The following SIPA1L2 variants were observed in gnomAD, a reference collection of about 807,000 sequenced individuals.
SIPA1L2 encodes signal-induced proliferation-associated 1-like protein 2.
Under a neutral mutation model 163.9 loss-of-function variants are expected in SIPA1L2, and 56 were observed. The observed-to-expected ratio is 0.34, with a 90% CI of 0.28 to 0.43. The LOEUF (loss-of-function observed/expected upper bound fraction) is 0.43. Among genes scored for constraint, SIPA1L2 ranks in the 20% least tolerant of loss-of-function variants. The probability of loss-of-function intolerance (pLI) is 1.00; values close to 1 mark genes in which losing one functional copy is unlikely to be tolerated. For missense variants in SIPA1L2, 1,974 were observed against 2,193.5 expected (o/e 0.90, Z 2.00); for synonymous variants, 877 against 865.7 (o/e 1.01, Z -0.23).
intron 2 of SIPA1L2, among the ~76,000 whole-genome samples, chr1:232,543,530 T>C (rs148562359): frequency 5.9e-4 from 90 of 152,330 alleles, no homozygotes; most frequent in African/African-American, 2.1e-3. Context: ...TTTTTACATT[T>C]TCTTTTCTCT....
chr1:232,467,788 A>G (rs1400340663), intron 8 of SIPA1L2, among the ~76,000 whole-genome samples: 1 of 152,104 alleles, frequency 6.6e-6, no homozygotes, highest in African/African-American at 2.4e-5. Flanking sequence ...ATCTCATGCT[A>G]CCCTCTGAGT....
chr1:232,519,984 T>C (rs1236568466), intron 2 of SIPA1L2, among the ~76,000 whole-genome samples: 1 of 152,220 alleles, frequency 6.6e-6, no homozygotes, highest in East Asian at 1.9e-4. Flanking sequence ...ACTAATCTTC[T>C]ATATGAGGCC....
intron 1 of SIPA1L2, among the ~76,000 whole-genome samples, chr1:232,619,893 A>ATTT (rs111286928): frequency 3.3e-5 from 5 of 150,694 alleles, no homozygotes; most frequent in East Asian, 2.0e-4. Context: ...CTCCAAATAG[A>ATTT]TTTTTTTTTT....
intron 7 of SIPA1L2, among the ~76,000 whole-genome samples, chr1:232,478,704 A>G (rs1665167406): frequency 6.6e-6 from 1 of 152,212 alleles, no homozygotes; most frequent in African/African-American, 2.4e-5. Context: ...GATTTAACCT[A>G]AATACAATCA....
intron 1 of SIPA1L2, among the ~76,000 whole-genome samples, chr1:232,587,693 T>C (rs1361055064): frequency 1.3e-5 from 2 of 152,228 alleles, no homozygotes; most frequent in Non-Finnish European, 2.9e-5. Context: ...TTGTCCTTGA[T>C]GGATGATATG....
At chr1:232,536,004 G>C (rs547401324) in intron 2 of SIPA1L2, among the ~76,000 whole-genome samples, 1 of 152,294 alleles carries the variant, frequency 6.6e-6, no homozygotes, top group African/African-American at 2.4e-5. Flanking sequence ...TCTGAAACTT[G>C]GATTCCAGTG....
At chr1:232,449,531 A>T (rs1663437037) in intron 10 of SIPA1L2, among the ~76,000 whole-genome samples, 2 of 151,938 alleles carry the variant, frequency 1.3e-5, no homozygotes. Context: ...AAAAAAAAAA[A>T]AAAAAATTAA....
chr1:232,514,779 G>A lies in SIPA1L2; in HGVS notation c.561C>T (p.Ala187=), dbSNP rs765479128. 6 of 1,614,028 alleles carry A rather than the reference G, an allele frequency of 3.7e-6. No homozygotes were observed. The South Asian group carries it at 6.6e-5, about 18-fold the overall frequency. ...AAGTACTTCCATACTCCCTGTGCAG[G>A]GCAGCCCCGGTGTTGGGGTTGACTG... is the stretch of plus-strand genomic sequence containing the variant. ...QNAVNPNTGA[A]LHREYGSTSS... The change falls in exon 3 of 23, where the codon GCC becomes GCT. Residue 187 remains alanine (A), a synonymous_variant. Coordinates refer to ENST00000674635, the MANE Select transcript of SIPA1L2 (RefSeq NM_020808.5).
chr1:232,572,265 G>A (rs987424306), intron 2 of SIPA1L2, among the ~76,000 whole-genome samples: 7 of 152,180 alleles, frequency 4.6e-5, no homozygotes, highest in African/African-American at 1.7e-4. Flanking sequence ...CTTAGATTCG[G>A]AGGAAACCAA....
At chr1:232,585,282 T>C (rs143504759) in intron 1 of SIPA1L2, among the ~76,000 whole-genome samples, 7 of 152,346 alleles carry the variant, frequency 4.6e-5, no homozygotes, top group Admixed American at 2.6e-4. Context: ...TCTATAAACA[T>C]AGCAGAATAT....
intron 2 of SIPA1L2, among the ~76,000 whole-genome samples, chr1:232,555,993 A>G (rs1280497831): frequency 6.6e-6 from 1 of 152,242 alleles, no homozygotes; most frequent in Non-Finnish European, 1.5e-5. Context: ...GACTGTCAAC[A>G]GTTCAAGGAT....
rs1660145247 is a variant in SIPA1L2, at chr1:232,398,422, G to A, written c.*705C>T. ...TTGAAGTGACTACTGACCACTCGGT[G>A]AGCCATTTACAAGGCATATGTATCT... On this transcript the variant is annotated 3_prime_UTR_variant, in exon 23 of 23. Transcript: ENST00000674635. The A allele has an allele frequency of 6.6e-6, 1 of 152,572 alleles. No individual in the cohort carries two copies. The highest frequency in any genetic ancestry group is 1.5e-5 in the Non-Finnish European group (1 of 68,040). The allele number at this position is 152,572 out of a possible 1,614,324, so 9.5% of individuals were successfully genotyped here. A position where few individuals can be genotyped will look rare whatever the true frequency, so the allele number is the denominator to read the frequency against.
rs193008709 is a variant in SIPA1L2 at position 232,571,801 on chromosome 1, T to C, written c.-270+2373A>G. Among the ~76,000 whole-genome samples, 3 of 152,330 alleles carry C rather than the reference T, an allele frequency of 2.0e-5. No individual in the cohort carries two copies. The East Asian group carries it at 5.8e-4, about 29-fold the overall frequency. On this transcript the variant is annotated intron_variant, in intron 2 of 22. Coordinates refer to ENST00000674635, the MANE Select transcript of SIPA1L2 (RefSeq NM_020808.5). ...ATTCTTCCACTCTCACCACGTGACA[T>C]GCTGGCTTCCGCTTCAACTTCTACC...
In SIPA1L2 at chr1:232,629,504, G is replaced by A. The variant is rs1267304604; in HGVS notation, c.-319+365C>T. ...CAGGCGCGCCGGGGAAGCTGCGTCG[G>A]GCAACCGCGAGCCCTTCCAGAGAGC... On this transcript the variant is annotated intron_variant, in intron 1 of 22. Coordinates refer to ENST00000674635, the MANE Select transcript of SIPA1L2 (RefSeq NM_020808.5). Among the ~76,000 whole-genome samples the A allele has an allele frequency of 3.3e-5, 5 of 152,194 alleles. No individual in the cohort carries two copies. In the East Asian group the frequency reaches 5.8e-4, roughly 18 times the overall value.
Position 232,539,335 on chromosome 1 carries a change from G to A in SIPA1L2, c.-269-23727C>T, listed in dbSNP as rs1657501488. ...CTACTTACAACTGCAAAAAGTCTAAGGGTCTGTCACTCAAAGGTCAAACGA... is the reference window on the plus strand; with the variant it reads ...CTACTTACAACTGCAAAAAGTCTAAAGGTCTGTCACTCAAAGGTCAAACGA... On this transcript the variant is annotated intron_variant, in intron 2 of 22. Coordinates refer to ENST00000674635, the MANE Select transcript of SIPA1L2 (RefSeq NM_020808.5). 2.6e-5 allele frequency among the ~76,000 whole-genome samples: 4 copies of A among 152,250 alleles called. No individual in the cohort carries two copies. In the South Asian group the frequency reaches 8.3e-4, roughly 32 times the overall value.
intron 2 of SIPA1L2, among the ~76,000 whole-genome samples, chr1:232,562,417 A>C (rs925792089): frequency 6.6e-6 from 1 of 152,218 alleles, no homozygotes; most frequent in Non-Finnish European, 1.5e-5. Context: ...TATGTGCTTT[A>C]AAAAGTCAAA....
At position 232,415,786 on chromosome 1, in the gene SIPA1L2, G is replaced by GC. The variant is rs1479781611; in HGVS notation, c.4631-162_4631-161insG. On this transcript the variant is annotated intron_variant, in intron 18 of 22. Coordinates refer to ENST00000674635, the MANE Select transcript of SIPA1L2 (RefSeq NM_020808.5). ...AGTCAGTCAGAACACGGGCACCACTGTCCCTCCCAGAGTCAGTCAGTCAGA... is the reference window on the plus strand; with the variant it reads ...AGTCAGTCAGAACACGGGCACCACTGCTCCCTCCCAGAGTCAGTCAGTCAGA... 2.8e-5 allele frequency: 21 copies of GC among 746,824 alleles called. No individual in the cohort carries two copies. The African/African-American group carries it at 3.5e-4, about 12-fold the overall frequency. The allele number at this position is 746,824 out of a possible 1,614,324, so 46.3% of individuals were successfully genotyped here.
intron 1 of SIPA1L2, among the ~76,000 whole-genome samples, chr1:232,578,785 G>A (rs191068171): frequency 6.6e-6 from 1 of 152,062 alleles, no homozygotes; most frequent in Non-Finnish European, 1.5e-5. Context: ...TTTAACTGAC[G>A]GCTTTTGTTT....
chr1:232,615,422 T>C (rs1662451745), intron 1 of SIPA1L2, among the ~76,000 whole-genome samples: 1 of 152,170 alleles, frequency 6.6e-6, no homozygotes, highest in Non-Finnish European at 1.5e-5. Context: ...TCCTTACTAT[T>C]TGCCCCGACC....
Sources: allele counts gnomAD v4.1 joint callset (sites outside exome capture counted in the v4.1 genomes callset), GRCh38; gene constraint gnomAD v4.1.1; transcripts MANE v1.5; gene names NCBI Gene and HGNC (gene_info 2026-07-23, HGNC 2026-07-21).